The following SMG6 variants were observed in gnomAD, a reference collection of about 807,000 sequenced individuals.
The protein encoded by SMG6 is telomerase-binding protein EST1A.
SMG6 carries 66 observed loss-of-function variants against 142.2 expected under a neutral mutation model. That is an observed-to-expected ratio of 0.46 (90% CI 0.38 to 0.57). The LOEUF is 0.57. SMG6 is among the 20% of genes least tolerant of loss of function. SMG6 has a pLI of 0.00. For synonymous variants in SMG6, 779 were observed against 702.4 expected (o/e 1.11, Z -1.72); for missense variants, 1,793 against 1,832.0 (o/e 0.98, Z 0.39).
At chr17:2,226,595 CAAACA>C (rs1286667863) in intron 10 of SMG6, among the ~76,000 whole-genome samples, 3 of 143,308 alleles carry the variant, frequency 2.1e-5, no homozygotes, top group Non-Finnish European at 3.0e-5. Flanking sequence ...AACAAACAAA[CAAACA>C]AAAAAAAAAC....
In SMG6 at chr17:2,071,227, C is replaced by T. The variant is rs574516706; in HGVS notation, c.3682-2296G>A. On this transcript the variant is annotated intron_variant, in intron 15 of 18. Transcript: ENST00000263073. This position sits in a 1 kb window ranked among gnomAD's most constrained non-coding sequence, Gnocchi z 5.6. ...TCTCCTGCCTTGAGAAACAACCGTC[C>T]AGCCTGGTCTGACTCTATCAAGGAA... Among the ~76,000 whole-genome samples, 72 of 152,296 alleles carry T rather than the reference C, an allele frequency of 4.7e-4. 1 individual carries two copies. The South Asian group carries it at 0.014, about 31-fold the overall frequency.
chr17:2,121,021 C>T (rs896190770), intron 13 of SMG6, among the ~76,000 whole-genome samples: 2 of 152,070 alleles, frequency 1.3e-5, no homozygotes, highest in Non-Finnish European at 2.9e-5. Context: ...AGAAAGTTTA[C>T]GAATTTGTGT....
intron 13 of SMG6, among the ~76,000 whole-genome samples, chr17:2,146,470 A>G (rs759257639): frequency 1.3e-5 from 2 of 152,224 alleles, no homozygotes; most frequent in Non-Finnish European, 2.9e-5. Context: ...GTCTAAGACA[A>G]AAAGACTAAA....
rs995837650 is a variant in SMG6, at chr17:2,071,180, G to GC, written c.3682-2250dup. The stretch of plus-strand genomic sequence containing the variant: ...GCGCCTCTGCCTCTGCCTCTGCCCC[G>GC]CAAGTCCACTACCATCTCAGTTCTC... On this transcript the variant is annotated intron_variant, in intron 15 of 18. Coordinates refer to ENST00000263073, the MANE Select transcript of SMG6 (RefSeq NM_017575.5). This position sits in a 1 kb window ranked among gnomAD's most constrained non-coding sequence, Gnocchi z 5.6. Among the ~76,000 whole-genome samples, 7 of 152,166 alleles carry GC rather than the reference G, an allele frequency of 4.6e-5. No homozygotes were observed. The highest frequency in any genetic ancestry group is 1.0e-4 in the Non-Finnish European group (7 of 68,030).
At chr17:2,243,544 G>A (rs556087722) in intron 9 of SMG6, among the ~76,000 whole-genome samples, 6 of 152,244 alleles carry the variant, frequency 3.9e-5, no homozygotes, top group South Asian at 4.1e-4. Flanking sequence ...AGCCAGACGC[G>A]GTGGCATGTG....
At chr17:2,175,296 G>C (rs944351904) in intron 12 of SMG6, among the ~76,000 whole-genome samples, 1 of 152,226 alleles carries the variant, frequency 6.6e-6, no homozygotes, top group Non-Finnish European at 1.5e-5. Flanking sequence ...GCCCTGGTTG[G>C]TGCGTGCAGG....
chr17:2,211,788 C>T (rs1382640655), intron 10 of SMG6, among the ~76,000 whole-genome samples: 1 of 152,142 alleles, frequency 6.6e-6, no homozygotes, highest in Non-Finnish European at 1.5e-5. Flanking sequence ...GTGCCCAACA[C>T]GGCTATGCCA....
intron 13 of SMG6, among the ~76,000 whole-genome samples, chr17:2,142,888 C>CAAAAAAAAAAAA (rs1164289108): frequency 1.9e-5 from 1 of 52,506 alleles, no homozygotes; most frequent in African/African-American, 8.4e-5. Context: ...AACACTGTCT[C>CAAAAAAAAAAAA]AAAAAAAAAA....
rs1300071349 is a variant in SMG6, at chr17:2,079,010, C to T, written c.3681+2800G>A. Among the ~76,000 whole-genome samples, 119 of 152,316 alleles carry T rather than the reference C, an allele frequency of 7.8e-4. 1 individual carries two copies. The highest frequency in any genetic ancestry group is 7.6e-3 in the Admixed American group (116 of 15,304). The stretch of plus-strand genomic sequence containing the variant: ...ATGGAGTCTTGCTCTGTTGCCCAGG[C>T]TGGGGTGCAGTGGCGCAATCTTGGC... On this transcript the variant is annotated intron_variant, in intron 15 of 18. Coordinates refer to ENST00000263073, the MANE Select transcript of SMG6 (RefSeq NM_017575.5).
rs756055870 is a variant in SMG6 at position 2,299,103 on chromosome 17, C to T, written c.1650G>A (p.Pro550=). 1.5e-5 allele frequency: 24 copies of T among 1,613,980 alleles called. No homozygotes were observed. The highest frequency in any genetic ancestry group is 1.0e-4 in the Admixed American group (6 of 59,984). ...PGPYYPGYPT[P]SGQYVCSPLP... Reference sequence around the variant, plus strand: ...GAGGGCTACACACATACTGTCCTGACGGAGTCGGGTAGCCTGGGTAGTAAG... The same window carrying T: ...GAGGGCTACACACATACTGTCCTGATGGAGTCGGGTAGCCTGGGTAGTAAG... The change falls in exon 2 of 19, where the codon CCG becomes CCA. Residue 550 remains proline, a synonymous_variant. Transcript: ENST00000263073. This position sits in a 1 kb window ranked among gnomAD's most constrained non-coding sequence, Gnocchi z 4.3.
chr17:2,291,583 C>T (rs900394363), intron 6 of SMG6, among the ~76,000 whole-genome samples: 1 of 152,038 alleles, frequency 6.6e-6, no homozygotes, highest in Non-Finnish European at 1.5e-5. Flanking sequence ...CAGTAAACCA[C>T]ATTACTTAAT....
intron 8 of SMG6, among the ~76,000 whole-genome samples, chr17:2,261,426 C>T (rs949700152): frequency 6.6e-6 from 1 of 152,082 alleles, no homozygotes; most frequent in Non-Finnish European, 1.5e-5. Context: ...CTGTTATGTG[C>T]ACTTTTCTGT....
intron 10 of SMG6, among the ~76,000 whole-genome samples, chr17:2,195,897 A>G (rs1436947200): frequency 2.0e-5 from 3 of 151,996 alleles, no homozygotes; most frequent in East Asian, 1.9e-4. Context: ...CACGCCCGTG[A>G]CTCAAGTGTC....
chr17:2,303,492 G>T (rs1442884131), intron 1 of SMG6, 141 bp downstream of exon 1: 5 of 1,329,074 alleles, frequency 3.8e-6, no homozygotes, highest in Non-Finnish European at 2.9e-6. Context: ...GGCAGCGAGG[G>T]TCCGCCGCGG....
Position 2,093,306 on chromosome 17 carries a change from C to T in SMG6, c.3358-7405G>A, listed in dbSNP as rs1287039398. ...ATGGTGGTGCAACACACCTATGGTCCGAGCTAACTAGGAGGCTGAGGTAGG... is the reference window on the plus strand; with the variant it reads ...ATGGTGGTGCAACACACCTATGGTCTGAGCTAACTAGGAGGCTGAGGTAGG... On this transcript the variant is annotated intron_variant, in intron 13 of 18. Coordinates refer to ENST00000263073, the MANE Select transcript of SMG6 (RefSeq NM_017575.5). 5.9e-5 allele frequency among the ~76,000 whole-genome samples: 9 copies of T among 151,920 alleles called. 1 individual carries two copies. The South Asian group carries it at 1.0e-3, about 18-fold the overall frequency.
chr17:2,141,362 C>T (rs2070474538), intron 13 of SMG6, among the ~76,000 whole-genome samples: 1 of 152,156 alleles, frequency 6.6e-6, no homozygotes, highest in Non-Finnish European at 1.5e-5. Context: ...ATAGAAAAAA[C>T]AGACTTTGTG....
rs941523968 is a variant in SMG6, at chr17:2,127,138, C to CAA, written c.3358-41239_3358-41238dup. Among the ~76,000 whole-genome samples the CAA allele has an allele frequency of 4.0e-3, 196 of 49,228 alleles. 2 individuals carry two copies. Among genetic ancestry groups the CAA allele is most frequent in the African/African-American group, 5.5e-3 (79 of 14,454 alleles). 32.3% of individuals were successfully genotyped at this position (49,228 alleles called of 152,430 possible). On this transcript the variant is annotated intron_variant, in intron 13 of 18. Transcript: ENST00000263073. ...TGGGCAACACAGAGAGACCTTGTCT[C>CAA]AAAAAAAAAAAAAAAAAAAAAAAGA... is the stretch of plus-strand genomic sequence containing the variant.
At chr17:2,236,129 A>T in intron 10 of SMG6, 1 of 162,744 alleles carries the variant, frequency 6.1e-6, no homozygotes, top group Non-Finnish European at 1.3e-5. Context: ...TGCCAAGCGT[A>T]TGGTCTCTGC....
rs372598813 is a variant in SMG6, at chr17:2,270,983, TTTAA to T, written c.2661+11660_2661+11663del. Among the ~76,000 whole-genome samples, 18 of 152,266 alleles carry T rather than the reference TTTAA, an allele frequency of 1.2e-4. 1 individual carries two copies. In the South Asian group the frequency reaches 3.7e-3, roughly 32 times the overall value. ...AGGAGGAAAGGCCTACAGTTGTAAC[TTTAA>T]TTGTGTTACTTTGATAAAACAGAAA... On this transcript the variant is annotated intron_variant, in intron 8 of 18. Transcript: ENST00000263073.
Sources: allele counts gnomAD v4.1 joint callset (sites outside exome capture counted in the v4.1 genomes callset), GRCh38; gene constraint gnomAD v4.1.1; non-coding constraint Gnocchi (gnomAD v3.1); transcripts MANE v1.5; gene names NCBI Gene and HGNC (gene_info 2026-07-23, HGNC 2026-07-21).